RAPGEF2: variants seen among roughly 807,000 people sequenced by gnomAD.
RAPGEF2 encodes PDZ domain containing guanine nucleotide exchange factor (GEF) 1.
Under a neutral mutation model 186.7 loss-of-function variants are expected in RAPGEF2, and 54 were observed. The ratio of observed to expected loss-of-function variants is 0.29; its 90% CI spans 0.23 to 0.36. RAPGEF2 has a LOEUF of 0.36. Ranked by LOEUF, RAPGEF2 falls within the 10% of genes least tolerant of loss-of-function variation. RAPGEF2 has a pLI of 1.00. For missense variants in RAPGEF2, 1,532 were observed against 2,045.0 expected (o/e 0.75, Z 4.84); for synonymous variants, 712 against 705.9 (o/e 1.01, Z -0.14).
intron 23 of RAPGEF2, among the ~76,000 whole-genome samples, chr4:159,344,854 G>T: frequency 6.6e-6 from 1 of 152,166 alleles, no homozygotes; most frequent in Non-Finnish European, 1.5e-5. Flanking sequence ...ATGCTCTATA[G>T]AGTGAAAAGT....
At chr4:159,178,919 A>G (rs1398535093) in intron 1 of RAPGEF2, among the ~76,000 whole-genome samples, 2 of 152,134 alleles carry the variant, frequency 1.3e-5, no homozygotes, top group Admixed American at 6.5e-5. Context: ...GTTGTGAACA[A>G]TCACCCCCCT....
chr4:159,246,274 A>C (rs541648693), intron 7 of RAPGEF2, among the ~76,000 whole-genome samples: 1 of 152,258 alleles, frequency 6.6e-6, no homozygotes, highest in South Asian at 2.1e-4. Flanking sequence ...CATAAGATTA[A>C]ATTAATATAA....
chr4:159,297,688 C>G (rs993880675), intron 7 of RAPGEF2, among the ~76,000 whole-genome samples: 1 of 152,054 alleles, frequency 6.6e-6, no homozygotes, highest in Non-Finnish European at 1.5e-5. Context: ...TTAGGTATGA[C>G]AGTGTCAAAA....
At chr4:159,232,835 C>T (rs1317815678) in intron 4 of RAPGEF2, among the ~76,000 whole-genome samples, 2 of 152,110 alleles carry the variant, frequency 1.3e-5, no homozygotes, top group Non-Finnish European at 2.9e-5. Context: ...AAATTGTAGC[C>T]ATCCTGGTAT....
Position 159,241,342 on chromosome 4 carries a change from C to G in RAPGEF2, c.499C>G (p.Pro167Ala). 2 of 1,517,032 alleles carry G rather than the reference C, an allele frequency of 1.3e-6. No individual in the cohort carries two copies. The highest frequency in any genetic ancestry group is 2.7e-5 in the African/African-American group (2 of 72,756). 94.0% of individuals were successfully genotyped at this position (1,517,032 alleles called of 1,614,324 possible). A position where few individuals can be genotyped will look rare whatever the true frequency, so the allele number is the denominator to read the frequency against. The change falls in exon 6 of 30, where the codon CCT (proline) becomes GCT (alanine). Residue 167 changes from proline (P) to alanine (A), a missense_variant. Transcript: ENST00000691494. ...TGTGGATCCTTATCCCATGGGCAAACCTCCTTTGCCTAGAGGCTATCACAC... is the reference window on the plus strand; with the variant it reads ...TGTGGATCCTTATCCCATGGGCAAAGCTCCTTTGCCTAGAGGCTATCACAC... ...DTVDPYPMGK[P>A]PLPRGYHTEC...
In RAPGEF2 at chr4:159,331,612, G is replaced by C. The variant is rs1348902859; in HGVS notation, c.1576-18G>C. The C allele has an allele frequency of 1.4e-5, 22 of 1,613,882 alleles. No homozygotes were observed. The highest frequency in any genetic ancestry group is 1.9e-5 in the Non-Finnish European group (22 of 1,179,804). On this transcript the variant is annotated intron_variant, in intron 14 of 29. Coordinates refer to ENST00000691494, the MANE Select transcript of RAPGEF2 (RefSeq NM_001394067.2). The stretch of plus-strand genomic sequence containing the variant: ...AGCCTGTTCTTGAGTTGACACTACT[G>C]TTTCTGAACTCTTAAAGAAAATGGG...
intron 17 of RAPGEF2, among the ~76,000 whole-genome samples, chr4:159,336,275 A>G (rs1264383007): frequency 6.6e-6 from 1 of 152,068 alleles, no homozygotes; most frequent in Non-Finnish European, 1.5e-5. Context: ...TCACCCAAGT[A>G]GTATACATTG....
chr4:159,309,781 A>G (rs1239309683), intron 8 of RAPGEF2, among the ~76,000 whole-genome samples: 1 of 152,204 alleles, frequency 6.6e-6, no homozygotes, highest in Non-Finnish European at 1.5e-5. Context: ...TACAAAATAG[A>G]TAGATCAATA....
chr4:159,344,769 T>C (rs975949046), intron 23 of RAPGEF2, among the ~76,000 whole-genome samples: 3 of 152,220 alleles, frequency 2.0e-5, no homozygotes, highest in African/African-American at 7.2e-5. Context: ...ATCTTAATGA[T>C]TATAGCTGTG....
At chr4:159,302,534 A>C (rs1762794580) in intron 7 of RAPGEF2, among the ~76,000 whole-genome samples, 2 of 151,922 alleles carry the variant, frequency 1.3e-5, no homozygotes. Flanking sequence ...TAAGACGATG[A>C]AGGGTATCTA....
chr4:159,314,705 A>G lies in RAPGEF2; in HGVS notation c.790A>G (p.Ser264Gly), dbSNP rs766773799. 6.2e-7 allele frequency: 1 copy of G among 1,613,712 alleles called. No individual in the cohort carries two copies. The highest frequency in any genetic ancestry group is 8.5e-7 in the Non-Finnish European group (1 of 1,179,672). The change falls in exon 9 of 30, where the codon AGC (serine) becomes GGC (glycine). Residue 264 changes from serine (S) to glycine (G), a missense_variant. Transcript: ENST00000691494. ...DIERASDPLM[S>G]RDIVRDCLEK... ...TGAGAGAGCATCAGATCCTCTGATG[A>G]GCAGGGACATTGTGAGAGACTGCCT... is the stretch of plus-strand genomic sequence containing the variant.
chr4:159,181,170 T>TTATCTTTG (rs955658337), intron 1 of RAPGEF2, among the ~76,000 whole-genome samples: 1 of 152,182 alleles, frequency 6.6e-6, no homozygotes. Context: ...AGCTAGCTTT[T>TTATCTTTG]TATCTTTGAT....
chr4:159,219,864 C>A (rs1048650963), intron 4 of RAPGEF2, among the ~76,000 whole-genome samples: 1 of 152,158 alleles, frequency 6.6e-6, no homozygotes, highest in Non-Finnish European at 1.5e-5. Context: ...GTTTGATATG[C>A]GTATACTTCT....
chr4:159,345,175 G>A lies in RAPGEF2; in HGVS notation c.3348G>A (p.Arg1116=). ...CTCAGACAGGTGGTCATAAAAAGCG[G>A]GTACGTCGTAGTTCCTTTCTCAATG... The part of the protein sequence containing the change: ...DVAQTGGHKK[R]VRRSSFLNAK... The change falls in exon 24 of 30, where the codon CGG becomes CGA. Residue 1116 remains arginine (R), a synonymous_variant. Transcript: ENST00000691494. 1 of 1,614,098 alleles carries A rather than the reference G, an allele frequency of 6.2e-7. No individual in the cohort carries two copies. Among genetic ancestry groups the A allele is most frequent in the East Asian group, 2.2e-5 (1 of 44,882 alleles).
At chr4:159,268,733 A>G (rs1478567940) in intron 7 of RAPGEF2, among the ~76,000 whole-genome samples, 1 of 152,018 alleles carries the variant, frequency 6.6e-6, no homozygotes, top group Admixed American at 6.6e-5. Flanking sequence ...TTTTAATGCC[A>G]CAAAAAATTA....
chr4:159,152,185 A>G (rs1005795512), intron 1 of RAPGEF2, among the ~76,000 whole-genome samples: 32 of 151,162 alleles, frequency 2.1e-4, no homozygotes, highest in African/African-American at 7.2e-4. Flanking sequence ...AGCCAGGCAT[A>G]GTGTTGCACG....
intron 1 of RAPGEF2, among the ~76,000 whole-genome samples, chr4:159,131,519 A>ATTTTTTTTTTTTTT (rs35670450): frequency 5.4e-5 from 2 of 37,212 alleles, no homozygotes; most frequent in African/African-American, 1.2e-4. Flanking sequence ...ATTAATTGCT[A>ATTTTTTTTTTTTTT]TTTTTTTTTT....
intron 7 of RAPGEF2, among the ~76,000 whole-genome samples, chr4:159,251,698 C>G (rs1448490041): frequency 1.3e-5 from 2 of 152,052 alleles, no homozygotes; most frequent in South Asian, 2.1e-4. Context: ...CACTCTGTGT[C>G]TAGCTCAGGG....
chr4:159,221,200 C>G (rs1408289144), intron 4 of RAPGEF2, among the ~76,000 whole-genome samples: 1 of 152,154 alleles, frequency 6.6e-6, no homozygotes, highest in Non-Finnish European at 1.5e-5. Flanking sequence ...CAGAAAAGGA[C>G]CCTGGGAGTG....
Sources: allele counts gnomAD v4.1 joint callset (sites outside exome capture counted in the v4.1 genomes callset), GRCh38; gene constraint gnomAD v4.1.1; transcripts MANE v1.5; gene names NCBI Gene and HGNC (gene_info 2026-07-23, HGNC 2026-07-21).